CSF1R: variants seen among roughly 807,000 people sequenced by gnomAD.
The protein encoded by CSF1R is colony stimulating factor 1 receptor.
Under a neutral mutation model 110.0 loss-of-function variants are expected in CSF1R, and 40 were observed. The ratio of observed to expected loss-of-function variants is 0.36; its 90% confidence interval spans 0.28 to 0.47. The LOEUF is 0.47. Ranked by LOEUF, CSF1R falls within the 20% of genes least tolerant of loss-of-function variation. The probability of loss-of-function intolerance (pLI) is 0.99; values close to 1 mark genes in which losing one functional copy is unlikely to be tolerated. For missense variants in CSF1R, 1,052 were observed against 1,253.0 expected (o/e 0.84, Z 2.42); for synonymous variants, 523 against 503.4 (o/e 1.04, Z -0.52).
At chr5:150,080,676 A>C in intron 2 of CSF1R, 91 bp downstream of exon 2, 8 of 1,504,150 alleles carry the variant, frequency 5.3e-6, no homozygotes, top group Non-Finnish European at 7.3e-6. Context: ...CAGTAAATGC[A>C]GAGCTGAATT....
At chr5:150,076,429 C>T (rs1386380427) in intron 5 of CSF1R, among the ~76,000 whole-genome samples, 1 of 151,990 alleles carries the variant, frequency 6.6e-6, no homozygotes, top group Non-Finnish European at 1.5e-5. Flanking sequence ...CTTCATTTTA[C>T]AGGTAGGAAA....
In CSF1R at chr5:150,069,920, T is replaced by C. The variant is rs769650049; in HGVS notation, c.1463A>G (p.His488Arg). 1.2e-6 allele frequency: 2 copies of C among 1,613,932 alleles called. No individual in the cohort carries two copies. The highest frequency in any genetic ancestry group is 2.2e-5 in the South Asian group (2 of 91,078). The change falls in exon 9 of 21, where the codon CAC becomes CGC. Residue 488 changes from histidine (H) to arginine (R), a missense_variant. By Grantham distance (29) the His-to-Arg change is conservative (BLOSUM62 0). This residue lies in a region of CSF1R where 693 missense variants were observed against 735.4 expected (regional missense o/e 0.94). Coordinates refer to ENST00000675795, the MANE Select transcript of CSF1R (RefSeq NM_001288705.3). ...EHNQTYECRAHNSVGSGSWAF... is the reference protein window; with the variant it reads ...EHNQTYECRARNSVGSGSWAF... Reference sequence around the variant, plus strand: ...CCAGGAGCCACTCCCCACGCTGTTGTGGGCCCTGCACTCGTAGGTTTGGTT... The same window carrying C: ...CCAGGAGCCACTCCCCACGCTGTTGCGGGCCCTGCACTCGTAGGTTTGGTT...
intron 14 of CSF1R, among the ~76,000 whole-genome samples, chr5:150,059,322 G>T (rs1757392098): frequency 6.6e-6 from 1 of 152,212 alleles, no homozygotes; most frequent in Non-Finnish European, 1.5e-5. Context: ...GGGATTACAG[G>T]CATGAGCCAC....
chr5:150,098,211 A>G (rs1229439238), intron 1 of CSF1R, among the ~76,000 whole-genome samples: 2 of 152,224 alleles, frequency 1.3e-5, no homozygotes, highest in African/African-American at 4.8e-5. Flanking sequence ...TAAAAATCAA[A>G]CAAACATAGA....
At chr5:150,077,534 T>TC (rs1163176797) in intron 4 of CSF1R, 99 bp from the exon 5 acceptor site, 1 of 1,307,154 alleles carries the variant, frequency 7.7e-7, no homozygotes, top group Non-Finnish European at 1.1e-6. Flanking sequence ...TATCTGCCTT[T>TC]CCTCTGAGCC....
At position 150,081,002 on chromosome 5, in the gene CSF1R, C is replaced by T. The variant is rs778754732; in HGVS notation, c.72G>A (p.Glu24=). The change falls in exon 2 of 21, where the codon GAG becomes GAA. Residue 24 remains glutamate, a synonymous_variant. Transcript: ENST00000675795. ...AWHGQGIPVI[E]PSVPELVVKP... is the part of the protein sequence containing the mutation. ...TCACGACCAGCTCAGGGACACTGGG[C>T]TCTATCACTGGGATTCCCTGACCTG... 3.7e-6 allele frequency: 6 copies of T among 1,613,948 alleles called. No homozygotes were observed. Among genetic ancestry groups the T allele is most frequent in the African/African-American group, 2.7e-5 (2 of 75,028 alleles).
chr5:150,077,194 A>T (rs1758301793), intron 5 of CSF1R, 82 bp downstream of exon 5: 1 of 1,564,606 alleles, frequency 6.4e-7, no homozygotes, highest in Non-Finnish European at 8.8e-7. Flanking sequence ...TCCTTCCCTG[A>T]CATCAGCTTC....
chr5:150,081,136 G>GTGGTCCCTT, intron 1 of CSF1R, 112 bp from the exon 2 acceptor site: 2 of 1,277,378 alleles, frequency 1.6e-6, no homozygotes, highest in Non-Finnish European at 2.2e-6. Context: ...TGCCATCAAG[G>GTGGTCCCTT]GACCACCTTG....
At chr5:150,062,870 A>G (rs995715519) in intron 10 of CSF1R, among the ~76,000 whole-genome samples, 13 of 152,226 alleles carry the variant, frequency 8.5e-5, no homozygotes, top group African/African-American at 2.9e-4. Flanking sequence ...TTCCAGGAAC[A>G]GTGCATGGAA....
At chr5:150,090,197 G>T (rs1758994947), upstream of CSF1R, among the ~76,000 whole-genome samples, 2 of 152,184 alleles carry the variant, frequency 1.3e-5, no homozygotes, top group East Asian at 1.9e-4. Flanking sequence ...ACATTTTTGT[G>T]CATCAAAGGA....
intron 1 of CSF1R, among the ~76,000 whole-genome samples, chr5:150,098,889 ACTT>A (rs1759306065): frequency 7.5e-6 from 1 of 132,994 alleles, no homozygotes; most frequent in African/African-American, 2.8e-5. Flanking sequence ...AATACAAACA[ACTT>A]TTTTTTTTTT....
intron 5 of CSF1R, 26 bp downstream of exon 5, chr5:150,077,250 C>G: frequency 1.2e-6 from 2 of 1,614,170 alleles, no homozygotes; most frequent in Non-Finnish European, 1.7e-6. Context: ...TCCCTACCGA[C>G]TGTCCACCAC....
At chr5:150,054,711 G>T (rs1309646000) in intron 19 of CSF1R, 1 of 381,940 alleles carries the variant, frequency 2.6e-6, no homozygotes, top group East Asian at 4.5e-5. Context: ...TTAGGGACAG[G>T]TGCAGTGGCT....
rs1758649657 is a variant in CSF1R, at chr5:150,083,400, ACT to A, written c.50-2378_50-2377del. Among the ~76,000 whole-genome samples the A allele has an allele frequency of 1.1e-4, 15 of 132,892 alleles. 1 individual carries two copies. The South Asian group carries it at 2.7e-3, about 24-fold the overall frequency. The allele number at this position is 132,892 out of a possible 152,430, so 87.2% of individuals were successfully genotyped here. ...CACACACACACACACACACACACAC[ACT>A]GCACACTAAGGCTGGACACAGCCCC... On this transcript the variant is annotated intron_variant, in intron 1 of 20. Coordinates refer to ENST00000675795, the MANE Select transcript of CSF1R (RefSeq NM_001288705.3).
In CSF1R at chr5:150,086,453, G is replaced by A. The variant is rs1758851496; in HGVS notation, c.-26C>T. ...GGCCTCGGTGGGGAAGTGGCAGGCA[G>A]GTGCAGGGCTGCAAGGTGCCCAGGG... On this transcript the variant is annotated 5_prime_UTR_variant, in exon 1 of 21. Transcript: ENST00000675795. The A allele has an allele frequency of 6.2e-7, 1 of 1,601,740 alleles. No individual in the cohort carries two copies. Among genetic ancestry groups the A allele is most frequent in the Non-Finnish European group, 8.5e-7 (1 of 1,174,434 alleles).
intron 6 of CSF1R, 116 bp downstream of exon 6, chr5:150,073,185 G>A: frequency 1.0e-6 from 1 of 982,762 alleles, no homozygotes. Context: ...GAAAGGGGCA[G>A]GGACTTGCTC....
At chr5:150,091,730 C>T (rs1030741846) in intron 1 of CSF1R, among the ~76,000 whole-genome samples, 1 of 151,640 alleles carries the variant, frequency 6.6e-6, no homozygotes, top group Non-Finnish European at 1.5e-5. Flanking sequence ...CGTTGTACAC[C>T]TTAAAATGGT....
chr5:150,083,602 AC>A (rs1758664505), intron 1 of CSF1R, among the ~76,000 whole-genome samples: 1 of 151,742 alleles, frequency 6.6e-6, no homozygotes, highest in Non-Finnish European at 1.5e-5. Flanking sequence ...TTGGGACTGG[AC>A]CCTGGAAAAC....
At chr5:150,100,123 T>TC (rs908250893) in intron 1 of CSF1R, among the ~76,000 whole-genome samples, 2 of 151,608 alleles carry the variant, frequency 1.3e-5, no homozygotes, top group Non-Finnish European at 2.9e-5. Flanking sequence ...GGCAGGAGGA[T>TC]CCCTTGAGCC....
Sources: gnomAD v4.1 joint callset for allele counts (sites outside exome capture counted in the v4.1 genomes callset) on GRCh38, gnomAD v4.1.1 for gene constraint, gnomAD v4.1.1 regional missense constraint, MANE v1.5 for transcripts, NCBI Gene and HGNC (gene_info 2026-07-23, HGNC 2026-07-21) for gene names.